DTNBP1: variants seen among roughly 807,000 people sequenced by gnomAD.
DTNBP1 encodes the protein dystrobrevin binding protein 1, also known as dysbindin.
In DTNBP1, 35 loss-of-function variants were observed where a neutral mutation model predicts 42.8. The observed-to-expected ratio is 0.82, with a 90% CI of 0.63 to 1.09. The LOEUF (loss-of-function observed/expected upper bound fraction) is 1.09, where lower values mean the gene tolerates loss of function less well. DTNBP1 is among the 50% of genes least tolerant of loss of function. The probability of loss-of-function intolerance (pLI) is 0.00; values close to 1 mark genes in which losing one functional copy is unlikely to be tolerated. For synonymous variants in DTNBP1, 171 were observed against 162.2 expected (o/e 1.05, Z -0.41); for missense variants, 457 against 424.2 (o/e 1.08, Z -0.68).
intron 6 of DTNBP1, among the ~76,000 whole-genome samples, chr6:15,604,272 C>T (rs1776844271): frequency 6.6e-6 from 1 of 152,202 alleles, no homozygotes; most frequent in African/African-American, 2.4e-5. Flanking sequence ...ATGCAGAAGT[C>T]TGCTCCCTTT....
chr6:15,572,763 G>C (rs1775392058), intron 7 of DTNBP1, among the ~76,000 whole-genome samples: 1 of 152,140 alleles, frequency 6.6e-6, no homozygotes, highest in South Asian at 2.1e-4. Context: ...ACAGAGTCTT[G>C]CTCTGTTGCC....
intron 7 of DTNBP1, among the ~76,000 whole-genome samples, chr6:15,538,009 C>T (rs542879639): frequency 1.3e-5 from 2 of 152,216 alleles, no homozygotes; most frequent in East Asian, 3.9e-4. Context: ...ATCTTAAATC[C>T]TTTGTACTTC....
chr6:15,580,434 C>T (rs1173340728), intron 7 of DTNBP1, among the ~76,000 whole-genome samples: 1 of 152,086 alleles, frequency 6.6e-6, no homozygotes, highest in Non-Finnish European at 1.5e-5. Context: ...AAAATTGTGG[C>T]CCTATCTATG....
rs1211435203 is a variant in DTNBP1 at position 15,587,777 on chromosome 6, T to G, written c.511+5282A>C. 6.6e-6 allele frequency among the ~76,000 whole-genome samples: 1 copy of G among 152,202 alleles called. No individual in the cohort carries two copies. Among genetic ancestry groups the G allele is most frequent in the African/African-American group, 2.4e-5 (1 of 41,458 alleles). ...ACGTAAAAAAATGAAGGTAGACTTT[T>G]AACTCACACGAACACAAGGCTTAAC... is the stretch of plus-strand genomic sequence containing the variant. On this transcript the variant is annotated intron_variant, in intron 7 of 9. Coordinates refer to ENST00000344537, the MANE Select transcript of DTNBP1 (RefSeq NM_032122.5). The surrounding 1 kb of genome is among the most constrained non-coding windows in gnomAD (Gnocchi z 4.1).
intron 1 of DTNBP1, among the ~76,000 whole-genome samples, chr6:15,653,667 G>T (rs1349061060): frequency 6.6e-6 from 1 of 152,178 alleles, no homozygotes; most frequent in Non-Finnish European, 1.5e-5. Flanking sequence ...TTGCCAATAA[G>T]TGAGTGCTAC....
chr6:15,616,524 A>G (rs1181448138), intron 5 of DTNBP1, among the ~76,000 whole-genome samples: 1 of 152,236 alleles, frequency 6.6e-6, no homozygotes, highest in Admixed American at 6.5e-5. Context: ...AATGACTCCC[A>G]AGTCAGGAAG....
chr6:15,544,721 A>G (rs1298618551), intron 7 of DTNBP1, among the ~76,000 whole-genome samples: 1 of 152,266 alleles, frequency 6.6e-6, no homozygotes, highest in East Asian at 1.9e-4. Context: ...CAGTAAGTGC[A>G]TACTGCAAAT....
At position 15,657,644 on chromosome 6, in the gene DTNBP1, T is replaced by C. The variant is rs568177012; in HGVS notation, c.56+5170A>G. ...GCCTGATTTTTAGCCACAGAACTTA[T>C]GGCCGTCTAGATATTCTAGACAGTC... On this transcript the variant is annotated intron_variant, in intron 1 of 9. Coordinates refer to ENST00000344537, the MANE Select transcript of DTNBP1 (RefSeq NM_032122.5). 1.5e-4 allele frequency among the ~76,000 whole-genome samples: 23 copies of C among 152,326 alleles called. No individual in the cohort carries two copies. The East Asian group carries it at 4.0e-3, about 27-fold the overall frequency.
intron 7 of DTNBP1, among the ~76,000 whole-genome samples, chr6:15,553,582 T>TTGACAAG: frequency 6.6e-6 from 1 of 151,608 alleles, no homozygotes; most frequent in South Asian, 2.1e-4. Flanking sequence ...TTCAATGCTC[T>TTGACAAG]TGACAAGTGA....
intron 6 of DTNBP1, among the ~76,000 whole-genome samples, chr6:15,593,552 G>C (rs1189269515): frequency 3.9e-5 from 6 of 152,180 alleles, no homozygotes; most frequent in Non-Finnish European, 1.5e-5. Flanking sequence ...GAGAAAAGGG[G>C]GAAAGTGCAT....
At chr6:15,586,791 C>T (rs1009806674) in intron 7 of DTNBP1, among the ~76,000 whole-genome samples, 3 of 152,178 alleles carry the variant, frequency 2.0e-5, no homozygotes, top group Admixed American at 1.3e-4. Flanking sequence ...TCATTAAGAT[C>T]ACCAATTAGC....
At position 15,585,641 on chromosome 6, in the gene DTNBP1, A is replaced by T. The variant is rs1776048916; in HGVS notation, c.511+7418T>A. 2.0e-6 allele frequency: 3 copies of T among 1,477,702 alleles called. No individual in the cohort carries two copies. The Admixed American group carries it at 6.0e-5, about 30-fold the overall frequency. The allele number at this position is 1,477,702 out of a possible 1,614,324, so 91.5% of individuals were successfully genotyped here. On this transcript the variant is annotated intron_variant, in intron 7 of 9. Coordinates refer to ENST00000344537, the MANE Select transcript of DTNBP1 (RefSeq NM_032122.5). The stretch of plus-strand genomic sequence containing the variant: ...TATCATCTGCATACCATGCAAATAC[A>T]GCAATGTATCCAGGCATGGAAATAA...
intron 7 of DTNBP1, among the ~76,000 whole-genome samples, chr6:15,592,328 A>C (rs9396593): frequency 1.3e-5 from 2 of 152,096 alleles, no homozygotes; most frequent in Non-Finnish European, 2.9e-5. Context: ...ATTGAAATGA[A>C]TCTCTCGAGA....
rs138176176 is a variant in DTNBP1, at chr6:15,621,430, A to G, written c.355+5913T>C. ...AGACAGAAATTCTGTTCTAGGTACA[A>G]ATTGTACTTGCTGCCCTAGTCACTC... On this transcript the variant is annotated intron_variant, in intron 5 of 9. Coordinates refer to ENST00000344537, the MANE Select transcript of DTNBP1 (RefSeq NM_032122.5). Among the ~76,000 whole-genome samples the G allele has an allele frequency of 3.4e-3, 519 of 152,338 alleles. 4 individuals are homozygous for G. The highest frequency in any genetic ancestry group is 0.012 in the African/African-American group (500 of 41,570).
At chr6:15,545,201 G>A (rs1773800543) in intron 7 of DTNBP1, among the ~76,000 whole-genome samples, 1 of 151,878 alleles carries the variant, frequency 6.6e-6, no homozygotes, top group Admixed American at 6.6e-5. Flanking sequence ...GTATTTTCCT[G>A]GCATTGGTTT....
At chr6:15,646,545 G>A (rs1041139470) in intron 3 of DTNBP1, among the ~76,000 whole-genome samples, 3 of 151,016 alleles carry the variant, frequency 2.0e-5, no homozygotes, top group African/African-American at 4.9e-5. Flanking sequence ...ATCAAAAAAA[G>A]AGCCTGAATA....
chr6:15,561,183 A>G (rs1425376561), intron 7 of DTNBP1, among the ~76,000 whole-genome samples: 6 of 152,238 alleles, frequency 3.9e-5, no homozygotes, highest in Non-Finnish European at 8.8e-5. Context: ...CAAGCTCAGA[A>G]GAAACAAGAG....
rs967274521 is a variant in DTNBP1, at chr6:15,629,003, G to A, written c.223-1528C>T. On this transcript the variant is annotated intron_variant, in intron 4 of 9. Coordinates refer to ENST00000344537, the MANE Select transcript of DTNBP1 (RefSeq NM_032122.5). ...GCTGGGAGGCCACATCAAGTTTCAC[G>A]CAAACCGCATTTCTCATTATTTTTG... Among the ~76,000 whole-genome samples the A allele has an allele frequency of 5.9e-5, 9 of 152,158 alleles. No homozygotes were observed. In the South Asian group the frequency reaches 6.2e-4, roughly 11 times the overall value.
At position 15,637,945 on chromosome 6, in the gene DTNBP1, G is replaced by A. The variant is rs541979081; in HGVS notation, c.162-141C>T. 8.4e-4 allele frequency: 745 copies of A among 889,650 alleles called. 7 individuals are homozygous for A. The South Asian group carries it at 0.011, about 13-fold the overall frequency. 55.1% of individuals were successfully genotyped at this position (889,650 alleles called of 1,614,324 possible). A position where few individuals can be genotyped will look rare whatever the true frequency, so the allele number is the denominator to read the frequency against. ...GGGGACATGTTGCAAGGACACAGAC[G>A]TCAACTTGACAGAGCTTCCAGTGGC... On this transcript the variant is annotated intron_variant, in intron 3 of 9. Coordinates refer to ENST00000344537, the MANE Select transcript of DTNBP1 (RefSeq NM_032122.5).
Sources: gnomAD v4.1 joint callset for allele counts (sites outside exome capture counted in the v4.1 genomes callset) on GRCh38, gnomAD v4.1.1 for gene constraint, Gnocchi (gnomAD v3.1) non-coding constraint, MANE v1.5 for transcripts, NCBI Gene and HGNC (gene_info 2026-07-23, HGNC 2026-07-21) for gene names.